The following TMOD3 variants were observed in gnomAD, a reference collection of about 807,000 sequenced individuals.
TMOD3 encodes tropomodulin 3.
A neutral mutation model predicts 39.2 loss-of-function variants in TMOD3; 20 were observed. The observed-to-expected ratio is 0.51, with a 90% CI of 0.36 to 0.74. The LOEUF is 0.74. Ranked by LOEUF, TMOD3 falls within the 30% of genes least tolerant of loss-of-function variation. The pLI is 0.00. For missense variants in TMOD3, 381 were observed against 412.8 expected, an observed-to-expected ratio of 0.92 and a Z score of 0.67; for synonymous variants, 143 against 145.8, an observed-to-expected ratio of 0.98 and a Z score of 0.14.
chr15:51,896,432 C>A lies in TMOD3; in HGVS notation c.641C>A (p.Pro214Gln), dbSNP rs1243003352. 6.2e-7 allele frequency: 1 copy of A among 1,610,216 alleles called. No homozygotes were observed. ...TTGTCTTTCAAGAATATCCCAATTCCAACCCTAAAAGATTTTGCAAAGGCT... is the reference window on the plus strand; with the variant it reads ...TTGTCTTTCAAGAATATCCCAATTCAAACCCTAAAAGATTTTGCAAAGGCT... ...NLNNIKNIPI[P>Q]TLKDFAKALE... Residue 214 changes from proline (P) to glutamine (Q), a missense_variant, in exon 7 of 10, where the codon CCA (proline) becomes CAA (glutamine). Coordinates refer to ENST00000308580, the MANE Select transcript of TMOD3 (RefSeq NM_014547.5).
chr15:51,879,299 G>GT (rs1053483260), intron 3 of TMOD3, among the ~76,000 whole-genome samples: 1 of 150,460 alleles, frequency 6.6e-6, no homozygotes, highest in Admixed American at 6.6e-5. Context: ...CCTTATTTTT[G>GT]TTTGTTTTGT....
chr15:51,909,182 A>G lies in TMOD3; in HGVS notation c.*372A>G, dbSNP rs1216866505. On this transcript the variant is annotated 3_prime_UTR_variant, in exon 10 of 10. Transcript: ENST00000308580. ...CTGGTATCAGAATTGTTATTGCTTC[A>G]TTTAGACATAAAACACTTAAGTGTT... is the stretch of plus-strand genomic sequence containing the variant. The G allele has an allele frequency of 1.2e-5, 2 of 167,328 alleles. No homozygotes were observed. Among genetic ancestry groups the G allele is most frequent in the African/African-American group, 4.8e-5 (2 of 42,018 alleles). The allele number at this position is 167,328 out of a possible 1,614,324, so 10.4% of individuals were successfully genotyped here.
At chr15:51,831,107 C>T (rs1385730781) in intron 1 of TMOD3, among the ~76,000 whole-genome samples, 2 of 152,164 alleles carry the variant, frequency 1.3e-5, no homozygotes, top group African/African-American at 2.4e-5. Flanking sequence ...TTATTTTGCT[C>T]ATTCAGGAAA....
At chr15:51,834,732 G>A (rs1240181776) in intron 1 of TMOD3, among the ~76,000 whole-genome samples, 1 of 152,162 alleles carries the variant, frequency 6.6e-6, no homozygotes, top group Middle Eastern at 3.2e-3. Context: ...TTGGGGGGCT[G>A]AGGCAGGAGG....
intron 2 of TMOD3, among the ~76,000 whole-genome samples, chr15:51,864,473 GT>G (rs2141685771): frequency 6.6e-6 from 1 of 152,158 alleles, no homozygotes; most frequent in East Asian, 1.9e-4. Flanking sequence ...TTTTAATCAG[GT>G]TTGGTAATGG....
At position 51,862,913 on chromosome 15, in the gene TMOD3, A is replaced by AACT; in HGVS notation, c.30_31insCTA (p.Glu10_Lys11insLeu). 1 of 1,614,014 alleles carries AACT rather than the reference A, an allele frequency of 6.2e-7. No homozygotes were observed. The highest frequency in any genetic ancestry group is 8.5e-7 in the Non-Finnish European group (1 of 1,179,952). Reference sequence around the variant, plus strand: ...GCACTGCCATTCCGTAAGGACTTAGAAAAGTACAAAGACCTTGATGAAGAT... The same window carrying AACT: ...GCACTGCCATTCCGTAAGGACTTAGAACTAAAGTACAAAGACCTTGATGAAGAT... On this transcript the variant is annotated inframe_insertion, in exon 2 of 10. Transcript: ENST00000308580.
chr15:51,880,124 C>T (rs2056525687), intron 3 of TMOD3, among the ~76,000 whole-genome samples: 1 of 151,964 alleles, frequency 6.6e-6, no homozygotes, highest in South Asian at 2.1e-4. Context: ...ATTATTCCAG[C>T]AGTTTGCTAG....
Position 51,901,913 on chromosome 15 carries a change from G to A in TMOD3, c.901G>A (p.Val301Ile), listed in dbSNP as rs779929540. The A allele has an allele frequency of 1.6e-5, 26 of 1,613,952 alleles. No homozygotes were observed. Among genetic ancestry groups the A allele is most frequent in the African/African-American group, 5.3e-5 (4 of 74,898 alleles). The change falls in exon 9 of 10, where the codon GTA becomes ATA. Residue 301 changes from valine (V) to isoleucine (I), a missense_variant. By Grantham distance (29) the Val-to-Ile change is conservative. Coordinates refer to ENST00000308580, the MANE Select transcript of TMOD3 (RefSeq NM_014547.5). ...CCAGAGGCAGCAGTTGGGGACAGCT[G>A]TAGAATTGGAAATGGCCAAGATGCT... ...DNQRQQLGTA[V>I]ELEMAKMLEE...
At chr15:51,851,779 A>C (rs1163522069) in intron 1 of TMOD3, among the ~76,000 whole-genome samples, 1 of 152,204 alleles carries the variant, frequency 6.6e-6, no homozygotes, top group Non-Finnish European at 1.5e-5. Context: ...CCTACAGCCA[A>C]CCGCTGTGTT....
chr15:51,839,181 A>ATT (rs2056301539), intron 1 of TMOD3, among the ~76,000 whole-genome samples: 1 of 65,726 alleles, frequency 1.5e-5, no homozygotes, highest in Non-Finnish European at 3.2e-5. Flanking sequence ...TTTTTTTTCC[A>ATT]TTTTGTTTGA....
At chr15:51,841,262 A>G (rs886775184) in intron 1 of TMOD3, among the ~76,000 whole-genome samples, 4 of 152,230 alleles carry the variant, frequency 2.6e-5, no homozygotes, top group African/African-American at 9.6e-5. Flanking sequence ...CTGAGAGACT[A>G]AAGTAAAAAA....
At chr15:51,887,871 G>A (rs189105469) in intron 4 of TMOD3, among the ~76,000 whole-genome samples, 160 bp downstream of exon 4, 41 of 152,292 alleles carry the variant, frequency 2.7e-4, no homozygotes, top group Admixed American at 7.8e-4. Flanking sequence ...TAAAGCTGAC[G>A]TAAAGAGTTT....
At chr15:51,868,401 C>T (rs562601769) in intron 2 of TMOD3, among the ~76,000 whole-genome samples, 45 of 152,254 alleles carry the variant, frequency 3.0e-4, no homozygotes, top group African/African-American at 1.1e-3. Flanking sequence ...TATTTCATCA[C>T]TAATACCTGT....
chr15:51,886,734 A>G (rs1427167497), intron 3 of TMOD3, among the ~76,000 whole-genome samples: 1 of 151,950 alleles, frequency 6.6e-6, no homozygotes, highest in African/African-American at 2.4e-5. Flanking sequence ...AGGGAGAGGG[A>G]GAGGGCTAGA....
intron 1 of TMOD3, among the ~76,000 whole-genome samples, chr15:51,844,091 TA>T (rs1025038838): frequency 6.6e-6 from 1 of 151,954 alleles, no homozygotes; most frequent in East Asian, 1.9e-4. Context: ...TCCTTTAAAT[TA>T]AAAAAAATCA....
chr15:51,860,065 C>T (rs2056409236), intron 1 of TMOD3: 1 of 520,610 alleles, frequency 1.9e-6, no homozygotes, highest in South Asian at 1.4e-5. Flanking sequence ...ATCTGTCCTC[C>T]TTCTGGCCCT....
chr15:51,862,978 C>T lies in TMOD3; in HGVS notation c.94C>T (p.Leu32=). The part of the protein sequence containing the change: ...GNLSETELKQ[L]ETVLDDLDPE... ...TCTGTCAGAAACAGAACTGAAACAA[C>T]TGGAAACTGTTTTGGATGATCTTGA... Residue 32 remains leucine (L), a synonymous_variant, in exon 2 of 10, where the codon CTG becomes TTG. Coordinates refer to ENST00000308580, the MANE Select transcript of TMOD3 (RefSeq NM_014547.5). 1.2e-6 allele frequency: 2 copies of T among 1,613,936 alleles called. No individual in the cohort carries two copies. Among genetic ancestry groups the T allele is most frequent in the Non-Finnish European group, 1.7e-6 (2 of 1,179,894 alleles).
At chr15:51,873,111 T>G (rs1251495676) in intron 3 of TMOD3, among the ~76,000 whole-genome samples, 1 of 152,184 alleles carries the variant, frequency 6.6e-6, no homozygotes, top group Non-Finnish European at 1.5e-5. Context: ...GCAGTTAGCC[T>G]TAGTTATCCT....
intron 3 of TMOD3, among the ~76,000 whole-genome samples, chr15:51,877,951 T>C (rs913907793): frequency 1.3e-5 from 2 of 152,286 alleles, no homozygotes; most frequent in African/African-American, 4.8e-5. Flanking sequence ...GTCGGTGCTA[T>C]GCTGAACACT....
Sources: gnomAD v4.1 joint callset for allele counts (sites outside exome capture counted in the v4.1 genomes callset) on GRCh38, gnomAD v4.1.1 for gene constraint, MANE v1.5 for transcripts, NCBI Gene and HGNC (gene_info 2026-07-23, HGNC 2026-07-21) for gene names.